Variants in KCTD10 observed in about 807,000 individuals in gnomAD.
KCTD10 encodes BTB/POZ domain-containing adapter for CUL3-mediated RhoA degradation protein 3.
In KCTD10, 13 loss-of-function variants were observed where a neutral mutation model predicts 34.6. The observed-to-expected ratio is 0.38, with a 90% CI of 0.24 to 0.60. The LOEUF (loss-of-function observed/expected upper bound fraction) is 0.60, where lower values mean the gene tolerates loss of function less well. KCTD10 is among the 20% of genes least tolerant of loss of function. KCTD10 has a pLI of 0.66. For missense variants in KCTD10, 256 were observed against 420.3 expected (o/e 0.61, Z 3.42); for synonymous variants, 156 against 168.8 (o/e 0.92, Z 0.59).
At chr12:109,461,625 A>C (rs546482799) in intron 2 of KCTD10, among the ~76,000 whole-genome samples, 1 of 152,298 alleles carries the variant, frequency 6.6e-6, no homozygotes, top group South Asian at 2.1e-4. Flanking sequence ...GAACTCCTCT[A>C]CTGAAATGCA....
rs1037126801 is a variant in KCTD10, at chr12:109,450,609, A to T, written c.*986T>A. On this transcript the variant is annotated 3_prime_UTR_variant, in exon 7 of 7. Transcript: ENST00000228495. Reference sequence around the variant, plus strand: ...CCTGGATGCCAGGCTGGGAGGACAAAGGGTATGGGCCACACTGAATTTCTA... The same window carrying T: ...CCTGGATGCCAGGCTGGGAGGACAATGGGTATGGGCCACACTGAATTTCTA... 40 of 381,716 alleles carry T rather than the reference A, an allele frequency of 1.0e-4. No individual in the cohort carries two copies. The East Asian group carries it at 1.5e-3, about 14-fold the overall frequency. The allele number at this position is 381,716 out of a possible 1,614,324, so 23.6% of individuals were successfully genotyped here.
rs747941598 is a variant in KCTD10 at position 109,469,646 on chromosome 12, G to A, written c.86C>T (p.Pro29Leu). The change falls in exon 2 of 7, where the codon CCC (proline) becomes CTC (leucine). Residue 29 changes from proline to leucine, a missense_variant. This residue lies in a region of KCTD10 where 155 missense variants were observed against 207.0 expected (regional missense o/e 0.75). Transcript: ENST00000228495. ...ATTCAGCTTCACGTATTTGGAGCTG[G>A]GGCTCGTGCCCTTGAAGGAAGTGGT... ...TRTTSFKGTSPSSKYVKLNVG... is the reference protein window; with the variant it reads ...TRTTSFKGTSLSSKYVKLNVG... The A allele has an allele frequency of 1.2e-6, 2 of 1,614,210 alleles. No individual in the cohort carries two copies. Among genetic ancestry groups the A allele is most frequent in the East Asian group, 2.2e-5 (1 of 44,886 alleles).
chr12:109,476,738 G>A (rs1269724669), intron 1 of KCTD10, among the ~76,000 whole-genome samples: 1 of 151,950 alleles, frequency 6.6e-6, no homozygotes, highest in Non-Finnish European at 1.5e-5. Context: ...ACGCACCTGG[G>A]AGCCCCTTCC....
chr12:109,468,402 A>G (rs1377073018), intron 2 of KCTD10, among the ~76,000 whole-genome samples: 1 of 152,166 alleles, frequency 6.6e-6, no homozygotes, highest in Non-Finnish European at 1.5e-5. Context: ...GTCCCTGGAA[A>G]GGTAGGGCAG....
intron 6 of KCTD10, among the ~76,000 whole-genome samples, chr12:109,454,527 G>A (rs7970363): frequency 0.037 from 5,637 of 152,204 alleles, 382 homozygotes; most frequent in African/African-American, 0.13. Context: ...CCAGGAGGTC[G>A]AGACCAGCCT....
At chr12:109,455,846 A>G (rs1197120037) in intron 6 of KCTD10, among the ~76,000 whole-genome samples, 1 of 152,176 alleles carries the variant, frequency 6.6e-6, no homozygotes, top group African/African-American at 2.4e-5. Context: ...GGAGAGGATG[A>G]TATAAAAACA....
At chr12:109,453,656 T>G (rs1210733821) in intron 6 of KCTD10, among the ~76,000 whole-genome samples, 2 of 152,184 alleles carry the variant, frequency 1.3e-5, no homozygotes, top group Non-Finnish European at 2.9e-5. Flanking sequence ...TTCATGCTCC[T>G]GGGCCCAAAA....
intron 1 of KCTD10, among the ~76,000 whole-genome samples, chr12:109,472,749 G>C (rs1873949815): frequency 6.6e-6 from 1 of 152,202 alleles, no homozygotes; most frequent in Non-Finnish European, 1.5e-5. Flanking sequence ...CTGGGCTACA[G>C]GAATTTTTCA....
chr12:109,456,548 C>A (rs1325245733), intron 5 of KCTD10: 5 of 539,486 alleles, frequency 9.3e-6, no homozygotes, highest in Non-Finnish European at 1.7e-5. Context: ...ACACGCCCCC[C>A]AAAAGACAGC....
intron 1 of KCTD10, among the ~76,000 whole-genome samples, 163 bp downstream of exon 1, chr12:109,477,096 TC>T (rs1566062752): frequency 1.5e-5 from 2 of 133,796 alleles, no homozygotes; most frequent in Non-Finnish European, 3.2e-5. Context: ...CCAAAGCCCT[TC>T]CCCCACCCCG....
Position 109,451,472 on chromosome 12 carries a change from G to C in KCTD10, c.*123C>G. ...CAATACCAAAATAATCATCTGGCTTGTTACAAAAGTATCTCCAGGCTCCAA... is the reference window on the plus strand; with the variant it reads ...CAATACCAAAATAATCATCTGGCTTCTTACAAAAGTATCTCCAGGCTCCAA... On this transcript the variant is annotated 3_prime_UTR_variant, in exon 7 of 7. Transcript: ENST00000228495. This position sits in a 1 kb window ranked among gnomAD's most constrained non-coding sequence, Gnocchi z 5.0. 1.1e-6 allele frequency: 1 copy of C among 925,052 alleles called. No individual in the cohort carries two copies. Among genetic ancestry groups the C allele is most frequent in the East Asian group, 2.5e-5 (1 of 39,458 alleles). 57.3% of individuals were successfully genotyped at this position (925,052 alleles called of 1,614,324 possible).
chr12:109,469,521 T>C lies in KCTD10; in HGVS notation c.211A>G (p.Ser71Gly), dbSNP rs1873772429. 1.2e-6 allele frequency: 2 copies of C among 1,613,910 alleles called. No individual in the cohort carries two copies. The highest frequency in any genetic ancestry group is 1.1e-5 in the South Asian group (1 of 91,080). The part of the protein sequence containing the change: ...FSGRMEVLTD[S>G]EGWILIDRCG... ...ACATGGTGGGTGAGCTTACCTTCAC[T>C]GTCGGTGAGCACTTCCATGCGCCCG... Residue 71 changes from serine to glycine, a missense_variant, in exon 2 of 7, where the codon AGT becomes GGT. This residue lies in a region of KCTD10 where 155 missense variants were observed against 207.0 expected (regional missense o/e 0.75). Coordinates refer to ENST00000228495, the MANE Select transcript of KCTD10 (RefSeq NM_031954.5).
intron 5 of KCTD10, 198 bp downstream of exon 5, chr12:109,457,432 T>C (rs1288464469): frequency 3.4e-6 from 2 of 580,624 alleles, no homozygotes; most frequent in Non-Finnish European, 6.2e-6. Context: ...CTGTACACTC[T>C]AGAAAGATGA....
intron 1 of KCTD10, among the ~76,000 whole-genome samples, chr12:109,474,783 A>C (rs1014381089): frequency 1.3e-5 from 2 of 152,170 alleles, no homozygotes; most frequent in Admixed American, 1.3e-4. Context: ...AAAATACAAA[A>C]ATCAGCTGAA....
intron 2 of KCTD10, among the ~76,000 whole-genome samples, chr12:109,465,059 G>A (rs1592843416): frequency 1.3e-5 from 2 of 152,154 alleles, no homozygotes; most frequent in Non-Finnish European, 2.9e-5. Context: ...GATTGTCTAC[G>A]TGCCCCATGA....
rs769683715 is a variant in KCTD10 at position 109,451,556 on chromosome 12, G to C, written c.*39C>G. ...ATCTGGGTGTAGCACGGCAGGGAGT[G>C]GGGGCGGTGAGAGGAGGGCGGCTCG... On this transcript the variant is annotated 3_prime_UTR_variant, in exon 7 of 7. Coordinates refer to ENST00000228495, the MANE Select transcript of KCTD10 (RefSeq NM_031954.5). The surrounding 1 kb of genome is among the most constrained non-coding windows in gnomAD (Gnocchi z 5.0). 2.4e-4 allele frequency: 368 copies of C among 1,559,970 alleles called. No homozygotes were observed. Among genetic ancestry groups the C allele is most frequent in the Non-Finnish European group, 3.0e-4 (345 of 1,146,824 alleles).
intron 4 of KCTD10, 90 bp from the exon 5 acceptor site, chr12:109,457,772 C>CTA: frequency 1.5e-6 from 2 of 1,355,076 alleles, no homozygotes; most frequent in Non-Finnish European, 1.1e-6. Flanking sequence ...GGGCCCTGCC[C>CTA]TGCATCAGAA....
In KCTD10 at chr12:109,451,858, C is replaced by A; in HGVS notation, c.724-45G>T. 3 of 1,525,072 alleles carry A rather than the reference C, an allele frequency of 2.0e-6. No individual in the cohort carries two copies. Among genetic ancestry groups the A allele is most frequent in the East Asian group, 2.3e-5 (1 of 42,712 alleles). 94.5% of individuals were successfully genotyped at this position (1,525,072 alleles called of 1,614,324 possible). ...AGGGCAGGTAAGTTATGGCCCACCC[C>A]CTCTGCCAACACCTGGACTTTAAGC... On this transcript the variant is annotated intron_variant, in intron 6 of 6. Coordinates refer to ENST00000228495, the MANE Select transcript of KCTD10 (RefSeq NM_031954.5). This position sits in a 1 kb window ranked among gnomAD's most constrained non-coding sequence, Gnocchi z 5.0.
In KCTD10 at chr12:109,450,131, T is replaced by TAATA. The variant is rs1466220982; in HGVS notation, c.*1460_*1463dup. On this transcript the variant is annotated 3_prime_UTR_variant, in exon 7 of 7. Coordinates refer to ENST00000228495, the MANE Select transcript of KCTD10 (RefSeq NM_031954.5). ...TACATGTGTCAAAGGCTGCCCATGT[T>TAATA]AATACCTTTGGTATAAAACGGTAAC... 5.0e-6 allele frequency: 2 copies of TAATA among 397,552 alleles called. No individual in the cohort carries two copies. Among genetic ancestry groups the TAATA allele is most frequent in the African/African-American group, 4.1e-5 (2 of 48,626 alleles). The allele number at this position is 397,552 out of a possible 1,614,324, so 24.6% of individuals were successfully genotyped here.
Sources: gnomAD v4.1 joint callset for allele counts (sites outside exome capture counted in the v4.1 genomes callset) on GRCh38, gnomAD v4.1.1 for gene constraint, gnomAD v4.1.1 regional missense constraint, Gnocchi (gnomAD v3.1) non-coding constraint, MANE v1.5 for transcripts, NCBI Gene and HGNC (gene_info 2026-07-23, HGNC 2026-07-21) for gene names.